DZIP3: variants seen among roughly 807,000 people sequenced by gnomAD.
The protein encoded by DZIP3 is DAZ interacting zinc finger protein 3.
In DZIP3, 118 loss-of-function variants were observed where a neutral mutation model predicts 162.0. The ratio of observed to expected loss-of-function variants is 0.73; its 90% CI spans 0.63 to 0.85. The LOEUF (loss-of-function observed/expected upper bound fraction) is 0.85, where lower values mean the gene tolerates loss of function less well. Among genes scored for constraint, DZIP3 ranks in the 40% least tolerant of loss-of-function variants. The probability of loss-of-function intolerance (pLI) is 0.00; values close to 1 mark genes in which losing one functional copy is unlikely to be tolerated. For missense variants in DZIP3, 1,331 were observed against 1,407.0 expected (o/e 0.95, Z 0.86); for synonymous variants, 438 against 458.6 (o/e 0.96, Z 0.57).
chr3:108,621,145 A>C (rs993576612), intron 5 of DZIP3, among the ~76,000 whole-genome samples: 1 of 152,072 alleles, frequency 6.6e-6, no homozygotes, highest in Admixed American at 6.5e-5. Context: ...TTAAAGGTGG[A>C]TGGTAGATAC....
chr3:108,597,321 A>G (rs1277045355), intron 1 of DZIP3, among the ~76,000 whole-genome samples: 1 of 152,010 alleles, frequency 6.6e-6, no homozygotes, highest in Non-Finnish European at 1.5e-5. Flanking sequence ...TATTTTGAGT[A>G]TATATTCCCC....
At chr3:108,663,500 G>T (rs1943535857) in intron 21 of DZIP3, among the ~76,000 whole-genome samples, 1 of 150,604 alleles carries the variant, frequency 6.6e-6, no homozygotes, top group Non-Finnish European at 1.5e-5. Context: ...AGGTTGCAGT[G>T]AGCCGAGATC....
intron 21 of DZIP3, among the ~76,000 whole-genome samples, chr3:108,668,462 G>A (rs1238345889): frequency 1.3e-5 from 2 of 151,870 alleles, no homozygotes; most frequent in African/African-American, 4.8e-5. Flanking sequence ...TAAGAGTCTA[G>A]GTGTTCTGAA....
At chr3:108,593,642 A>G (rs1010270959) in intron 1 of DZIP3, among the ~76,000 whole-genome samples, 6 of 149,580 alleles carry the variant, frequency 4.0e-5, no homozygotes, top group African/African-American at 1.5e-4. Context: ...TTAGTGGTAG[A>G]TGGTAGAAAT....
At chr3:108,633,612 C>T (rs1027162357) in intron 9 of DZIP3, among the ~76,000 whole-genome samples, 1 of 150,204 alleles carries the variant, frequency 6.7e-6, no homozygotes, top group African/African-American at 2.4e-5. Context: ...TGATAGATCT[C>T]TCTCTCTGGA....
At chr3:108,618,358 C>T (rs1294502391) in intron 5 of DZIP3, among the ~76,000 whole-genome samples, 1 of 152,146 alleles carries the variant, frequency 6.6e-6, no homozygotes, top group Non-Finnish European at 1.5e-5. Flanking sequence ...CTTTTAATTA[C>T]AAAATAATAG....
At chr3:108,598,605 G>A (rs1439977956) in intron 1 of DZIP3, among the ~76,000 whole-genome samples, 1 of 152,162 alleles carries the variant, frequency 6.6e-6, no homozygotes, top group Non-Finnish European at 1.5e-5. Flanking sequence ...AGCTGGAGGT[G>A]GATAGGGCAA....
At chr3:108,611,767 C>A (rs1940717532) in intron 4 of DZIP3, among the ~76,000 whole-genome samples, 1 of 152,100 alleles carries the variant, frequency 6.6e-6, no homozygotes, top group African/African-American at 2.4e-5. Context: ...GAGTTTGAGA[C>A]CAGCCTGGCC....
intron 22 of DZIP3, among the ~76,000 whole-genome samples, chr3:108,670,638 C>T (rs1053206984): frequency 3.3e-5 from 5 of 151,718 alleles, no homozygotes; most frequent in South Asian, 2.1e-4. Flanking sequence ...TGGGTATGTA[C>T]CAAGGAGTAG....
At chr3:108,593,492 A>G (rs1939536913) in intron 1 of DZIP3, among the ~76,000 whole-genome samples, 1 of 152,080 alleles carries the variant, frequency 6.6e-6, no homozygotes, top group South Asian at 2.1e-4. Context: ...TCAAATTTGA[A>G]TTATATGTTA....
chr3:108,646,681 G>T (rs947070622), intron 15 of DZIP3, 32 bp downstream of exon 15: 2 of 1,454,426 alleles, frequency 1.4e-6, no homozygotes, highest in African/African-American at 1.5e-5. Flanking sequence ...ATGTGTAAAT[G>T]ACTTTTTAAC....
chr3:108,646,879 A>G (rs913192987), intron 15 of DZIP3, among the ~76,000 whole-genome samples: 3 of 152,136 alleles, frequency 2.0e-5, no homozygotes, highest in Non-Finnish European at 2.9e-5. Flanking sequence ...CGTCTCTACT[A>G]AAAATACAAA....
chr3:108,683,569 T>C (rs1391620168), intron 26 of DZIP3, among the ~76,000 whole-genome samples: 1 of 152,152 alleles, frequency 6.6e-6, no homozygotes, highest in Non-Finnish European at 1.5e-5. Context: ...AAGGTATCTT[T>C]TCCACAGATA....
chr3:108,598,906 G>A (rs754131732), intron 1 of DZIP3, among the ~76,000 whole-genome samples: 2 of 152,150 alleles, frequency 1.3e-5, no homozygotes. Context: ...TTAGTATCTG[G>A]ATAGTTTTTC....
At position 108,595,646 on chromosome 3, in the gene DZIP3, T is replaced by C. The variant is rs114414924; in HGVS notation, c.-73+5807T>C. ...CTTGTAACTCAAATTTAGGGCTGTC[T>C]AGCTCCTTTATTTCTTCTGGAAAAA... On this transcript the variant is annotated intron_variant, in intron 1 of 32. Transcript: ENST00000361582. Among the ~76,000 whole-genome samples the C allele has an allele frequency of 3.6e-3, 545 of 152,350 alleles. 3 individuals carry two copies. The highest frequency in any genetic ancestry group is 0.013 in the African/African-American group (525 of 41,564).
intron 19 of DZIP3, among the ~76,000 whole-genome samples, chr3:108,657,142 A>C (rs1943167900): frequency 6.6e-6 from 1 of 152,210 alleles, no homozygotes; most frequent in African/African-American, 2.4e-5. Context: ...AGAGAACGCC[A>C]CAAAGATACT....
rs79791384 is a variant in DZIP3, at chr3:108,616,419, A to T, written c.259-122A>T. ...TGGTTGGTATGGATTTTTTTTTTTT[A>T]AACCGTCTTTATCTCTATTTTTAAA... On this transcript the variant is annotated intron_variant, in intron 4 of 32. Transcript: ENST00000361582. The T allele has an allele frequency of 4.5e-5, 24 of 536,130 alleles. No homozygotes were observed. Among genetic ancestry groups the T allele is most frequent in the Middle Eastern group, 5.3e-4 (1 of 1,902 alleles). The allele number at this position is 536,130 out of a possible 1,614,324, so 33.2% of individuals were successfully genotyped here. A position where few individuals can be genotyped will look rare whatever the true frequency, so the allele number is the denominator to read the frequency against.
chr3:108,620,442 A>G (rs1941271465), intron 5 of DZIP3, among the ~76,000 whole-genome samples: 1 of 152,238 alleles, frequency 6.6e-6, no homozygotes, highest in African/African-American at 2.4e-5. Context: ...CAACTTTGCA[A>G]GCAGGACTTA....
chr3:108,635,131 A>T (rs952743807), intron 10 of DZIP3, among the ~76,000 whole-genome samples, 159 bp downstream of exon 10: 1 of 150,578 alleles, frequency 6.6e-6, no homozygotes, highest in Admixed American at 6.6e-5. Flanking sequence ...TTCTTTCCCA[A>T]TTCTCTCTGA....
Sources: allele counts gnomAD v4.1 joint callset (sites outside exome capture counted in the v4.1 genomes callset), GRCh38; gene constraint gnomAD v4.1.1; transcripts MANE v1.5; gene names NCBI Gene and HGNC (gene_info 2026-07-23, HGNC 2026-07-21).